Variants in PRKAR1A observed in about 807,000 individuals in gnomAD.
The protein encoded by PRKAR1A is protein kinase cAMP-dependent type I regulatory subunit alpha.
PRKAR1A carries 3 observed loss-of-function variants against 52.0 expected under a neutral mutation model. The observed-to-expected ratio is 0.06, with a 90% CI of 0.03 to 0.15. The LOEUF (loss-of-function observed/expected upper bound fraction) is 0.15. Among genes scored for constraint, PRKAR1A ranks in the 10% least tolerant of loss-of-function variants. The pLI, the probability that PRKAR1A is intolerant of heterozygous loss-of-function variation, is 1.00. For missense variants in PRKAR1A, 240 were observed against 477.4 expected (o/e 0.50, Z 4.63); for synonymous variants, 188 against 168.4 (o/e 1.12, Z -0.90).
chr17:68,473,905 C>T, the PRKAR1A span, among the ~76,000 whole-genome samples: 6 of 152,062 alleles, frequency 3.9e-5, no homozygotes, highest in East Asian at 1.2e-3. Flanking sequence ...CTTCTCATTC[C>T]CTAAAACCTT....
At position 68,530,457 on chromosome 17, in the gene PRKAR1A, C is replaced by T; in HGVS notation, c.*8C>T. ...GTGTCACTGTCTGTCTGAAATCTGC[C>T]TCCTGTGCCTCCCTTTTCTCCTCTC... On this transcript the variant is annotated 3_prime_UTR_variant, in exon 11 of 11. Transcript: ENST00000589228. 6.2e-7 allele frequency: 1 copy of T among 1,614,022 alleles called. No homozygotes were observed. Among genetic ancestry groups the T allele is most frequent in the African/African-American group, 1.3e-5 (1 of 75,030 alleles).
rs2086028914 is a variant in PRKAR1A, at chr17:68,533,376, C to T, written c.*2927C>T. 1 of 1,062,028 alleles carries T rather than the reference C, an allele frequency of 9.4e-7. No individual in the cohort carries two copies. The highest frequency in any genetic ancestry group is 4.6e-5 in the South Asian group (1 of 21,954). 65.8% of individuals were successfully genotyped at this position (1,062,028 alleles called of 1,614,324 possible). A position where few individuals can be genotyped will look rare whatever the true frequency, so the allele number is the denominator to read the frequency against. On this transcript the variant is annotated 3_prime_UTR_variant, in exon 11 of 11. Transcript: ENST00000589228. Reference sequence around the variant, plus strand: ...TTTCTAGATTCAGTAATCCCTTCCCCCCGTCCTCTGGAGTATGAAACCTTT... The same window carrying T: ...TTTCTAGATTCAGTAATCCCTTCCCTCCGTCCTCTGGAGTATGAAACCTTT...
At chr17:68,440,780 A>G in the PRKAR1A span, 10 of 152,344 alleles carry the variant, frequency 6.6e-5, no homozygotes, top group African/African-American at 2.4e-4. Context: ...ATGATTCTAA[A>G]TGATTCTCAT....
chr17:68,542,031 C>T, intron 11 of PRKAR1A: 2 of 1,614,086 alleles, frequency 1.2e-6, no homozygotes, highest in Non-Finnish European at 1.7e-6. Flanking sequence ...GGGTTGGGCA[C>T]AGACAGCCTG....
chr17:68,540,727 T>C (rs1044331446), intron 11 of PRKAR1A: 2 of 1,224,768 alleles, frequency 1.6e-6, no homozygotes, highest in African/African-American at 3.0e-5. Context: ...TCTGAGGCTG[T>C]GGGAGGTGCA....
upstream of PRKAR1A, chr17:68,512,040 G>A (rs1049871075): frequency 1.3e-5 from 2 of 153,300 alleles, no homozygotes; most frequent in African/African-American, 4.8e-5. Context: ...GGGGTGGACA[G>A]AGGAGCGGAG....
At chr17:68,433,359 A>G in the PRKAR1A span, 1 of 1,052,106 alleles carries the variant, frequency 9.5e-7, no homozygotes, top group Non-Finnish European at 1.4e-6. Flanking sequence ...GTCCCAAGTG[A>G]AGCCAAGATT....
chr17:68,451,023 C>T, the PRKAR1A span: 1 of 1,330,182 alleles, frequency 7.5e-7, no homozygotes, highest in East Asian at 2.6e-5. Flanking sequence ...CGGCCAGGCG[C>T]CCTCTCTGAG....
At chr17:68,536,714 C>T (rs572666450), downstream of PRKAR1A, 7 of 453,946 alleles carry the variant, frequency 1.5e-5, no homozygotes, top group Middle Eastern at 6.8e-4. Flanking sequence ...CCCATGCCAT[C>T]CTGACCTTGG....
At chr17:68,524,840 T>G (rs1038557293) in intron 5 of PRKAR1A, 72 bp from the exon 6 acceptor site, 1 of 1,226,404 alleles carries the variant, frequency 8.2e-7, no homozygotes, top group Non-Finnish European at 1.2e-6. Flanking sequence ...ATAAGTTTAT[T>G]GTTTTGTAAT....
the PRKAR1A span, among the ~76,000 whole-genome samples, chr17:68,483,679 T>C: frequency 1.3e-5 from 2 of 152,038 alleles, no homozygotes; most frequent in East Asian, 3.9e-4. Flanking sequence ...CTGACCAACA[T>C]GGAGAAACCC....
chr17:68,453,479 C>CT, the PRKAR1A span, among the ~76,000 whole-genome samples: 7,450 of 136,160 alleles, frequency 0.055, 411 homozygotes, highest in African/African-American at 0.13. Context: ...TTTTCTTTTC[C>CT]TTTTTTTTTT....
chr17:68,529,681 A>G (rs1250623293), intron 9 of PRKAR1A, among the ~76,000 whole-genome samples: 1 of 152,240 alleles, frequency 6.6e-6, no homozygotes, highest in Non-Finnish European at 1.5e-5. Flanking sequence ...TTAGCCCTTC[A>G]TCTACAGTTT....
Position 68,542,074 on chromosome 17 carries a change from G to T in PRKAR1A, c.974-9010G>T, listed in dbSNP as rs753948365. The stretch of plus-strand genomic sequence containing the variant: ...GGTTGAGGGACGGCAGGAAGGCAGA[G>T]AGGGAACCCTCCAGCAGGTGTGGGT... On this transcript the variant is annotated intron_variant, in intron 11 of 11. Coordinates refer to the PRKAR1A transcript ENST00000585981. 5.0e-6 allele frequency: 8 copies of T among 1,613,892 alleles called. No individual in the cohort carries two copies. In the South Asian group the frequency reaches 8.8e-5, roughly 18 times the overall value.
the PRKAR1A span, chr17:68,435,562 G>A: frequency 1.5e-5 from 23 of 1,529,988 alleles, no homozygotes; most frequent in South Asian, 2.0e-4. Context: ...CCATCCCTGC[G>A]CACGGCAGGA....
intron 1 of PRKAR1A, chr17:68,512,958 C>A (rs1424772571): frequency 5.9e-5 from 9 of 152,392 alleles, no homozygotes; most frequent in Non-Finnish European, 4.4e-5. Flanking sequence ...GTCCGCCGGT[C>A]CTGGCTCTTC....
intron 1 of PRKAR1A, among the ~76,000 whole-genome samples, chr17:68,513,434 G>C (rs574119014): frequency 1.3e-5 from 2 of 152,302 alleles, no homozygotes; most frequent in African/African-American, 4.8e-5. Flanking sequence ...GGTGCGGTCT[G>C]AATCAGGAAC....
the PRKAR1A span, chr17:68,433,440 A>G: frequency 6.3e-7 from 1 of 1,597,432 alleles, no homozygotes; most frequent in South Asian, 1.1e-5. Flanking sequence ...TCGTTTAATG[A>G]GCATTTGGTG....
upstream of PRKAR1A, among the ~76,000 whole-genome samples, chr17:68,510,357 T>A (rs1277418188): frequency 6.6e-6 from 1 of 152,196 alleles, no homozygotes; most frequent in Non-Finnish European, 1.5e-5. Context: ...GAGGATTAAA[T>A]TAATTATGTG....
Sources: allele counts gnomAD v4.1 joint callset (sites outside exome capture counted in the v4.1 genomes callset), GRCh38; gene constraint gnomAD v4.1.1; transcripts MANE v1.5; gene names NCBI Gene and HGNC (gene_info 2026-07-23, HGNC 2026-07-21).